MYOM2: variants seen among roughly 807,000 people sequenced by gnomAD.
The protein encoded by MYOM2 is myomesin 2.
Under a neutral mutation model 187.6 loss-of-function variants are expected in MYOM2, and 254 were observed. That is an observed-to-expected ratio of 1.35 (90% confidence interval 1.22 to 1.50). The LOEUF is 1.50. MYOM2 is among the 40% of genes most tolerant of loss of function. The probability of loss-of-function intolerance (pLI) is 0.00; values close to 1 mark genes in which losing one functional copy is unlikely to be tolerated. For synonymous variants in MYOM2, 981 were observed against 753.8 expected (o/e 1.30, Z -4.94); for missense variants, 2,796 against 1,924.0 (o/e 1.45, Z -8.48).
chr8:2,099,477 C>G (rs1796610465), intron 19 of MYOM2, among the ~76,000 whole-genome samples: 1 of 151,872 alleles, frequency 6.6e-6, no homozygotes. Context: ...CGACAGGGTT[C>G]TCATTCGTGG....
Position 2,069,754 on chromosome 8 carries a change from G to A in MYOM2, c.793+257G>A, listed in dbSNP as rs184997041. Among the ~76,000 whole-genome samples the A allele has an allele frequency of 4.4e-3, 668 of 152,272 alleles. 4 individuals carry two copies. The highest frequency in any genetic ancestry group is 8.7e-3 in the South Asian group (42 of 4,818). ...TCCAAGTTTCTCCTGGCCAGTGTTA[G>A]CATGCTGACAATTTGTTCCCATGTA... On this transcript the variant is annotated intron_variant, in intron 8 of 36. Transcript: ENST00000262113.
At position 2,050,712 on chromosome 8, in the gene MYOM2, T is replaced by A. The variant is rs143522808; in HGVS notation, c.-12-43T>A. 6.9e-4 allele frequency: 848 copies of A among 1,222,910 alleles called. 1 individual carries two copies. The highest frequency in any genetic ancestry group is 9.7e-4 in the Non-Finnish European group (810 of 831,024). 75.8% of individuals were successfully genotyped at this position (1,222,910 alleles called of 1,614,324 possible). ...TGCAGAAATGGCAGAGGCCTCATGATGCTTGCGAGGGAGCTCAGTGTTGTG... is the reference window on the plus strand; with the variant it reads ...TGCAGAAATGGCAGAGGCCTCATGAAGCTTGCGAGGGAGCTCAGTGTTGTG... On this transcript the variant is annotated intron_variant, in intron 1 of 36. Coordinates refer to ENST00000262113, the MANE Select transcript of MYOM2 (RefSeq NM_003970.4).
intron 15 of MYOM2, among the ~76,000 whole-genome samples, chr8:2,091,521 T>C (rs760308827): frequency 1.9e-4 from 29 of 152,172 alleles, no homozygotes; most frequent in Non-Finnish European, 2.9e-4. Context: ...GGGAGGCACA[T>C]TGGTGTCAGG....
chr8:2,071,513 TGAG>T (rs1369992519), intron 8 of MYOM2, among the ~76,000 whole-genome samples: 1 of 152,160 alleles, frequency 6.6e-6, no homozygotes, highest in Non-Finnish European at 1.5e-5. Context: ...CCGTTTGTTT[TGAG>T]GAGGAGGCAG....
At chr8:2,084,331 A>G (rs1361568323) in intron 13 of MYOM2, among the ~76,000 whole-genome samples, 1 of 152,216 alleles carries the variant, frequency 6.6e-6, no homozygotes. Flanking sequence ...AACAGGGCTC[A>G]GGAAACGAAA....
chr8:2,135,823 C>T (rs1044490150), intron 32 of MYOM2, among the ~76,000 whole-genome samples: 5 of 152,182 alleles, frequency 3.3e-5, no homozygotes, highest in East Asian at 1.9e-4. Context: ...ATTAATTCAG[C>T]GACTAGATAG....
chr8:2,051,943 G>T (rs149485661), intron 2 of MYOM2, among the ~76,000 whole-genome samples: 1 of 152,200 alleles, frequency 6.6e-6, no homozygotes, highest in African/African-American at 2.4e-5. Flanking sequence ...ACATGTGTAC[G>T]CATGTATTGT....
rs745468662 is a variant in MYOM2, at chr8:2,079,632, C to T, written c.1516+19C>T. On this transcript the variant is annotated intron_variant, in intron 13 of 36. Transcript: ENST00000262113. ...CTTGAAGGTAAGTAGCACCTCATCA[C>T]CCCAGCTGCTCAGCCCCTGGGGATT... is the stretch of plus-strand genomic sequence containing the variant. 2 of 1,612,524 alleles carry T rather than the reference C, an allele frequency of 1.2e-6. No individual in the cohort carries two copies. Among genetic ancestry groups the T allele is most frequent in the South Asian group, 1.1e-5 (1 of 91,028 alleles).
chr8:2,077,946 A>T (rs1009056348), intron 11 of MYOM2, among the ~76,000 whole-genome samples: 4 of 152,174 alleles, frequency 2.6e-5, no homozygotes, highest in African/African-American at 9.7e-5. Flanking sequence ...TGTGGATCAG[A>T]CAGCTTTCAT....
chr8:2,055,039 C>T (rs141649154), intron 3 of MYOM2, among the ~76,000 whole-genome samples: 2 of 44,372 alleles, frequency 4.5e-5, no homozygotes, highest in South Asian at 3.5e-3. Context: ...ACTGGGGAAC[C>T]AAGTACCTGG....
At position 2,106,239 on chromosome 8, in the gene MYOM2, C is replaced by G; in HGVS notation, c.2735-3C>G. Reference sequence around the variant, plus strand: ...CCGCTCACTTCATACTCTTCTTATGCAGGCACCAAGGAAATCAGTGCTGGT... The same window carrying G: ...CCGCTCACTTCATACTCTTCTTATGGAGGCACCAAGGAAATCAGTGCTGGT... On this transcript the variant is annotated splice_region_variant and splice_polypyrimidine_tract_variant and intron_variant, in intron 21 of 36. Coordinates refer to ENST00000262113, the MANE Select transcript of MYOM2 (RefSeq NM_003970.4). The G allele has an allele frequency of 1.2e-6, 2 of 1,613,824 alleles. No homozygotes were observed. Among genetic ancestry groups the G allele is most frequent in the Non-Finnish European group, 8.5e-7 (1 of 1,179,838 alleles).
chr8:2,047,456 C>T (rs1471219075), intron 1 of MYOM2, among the ~76,000 whole-genome samples: 1 of 152,168 alleles, frequency 6.6e-6, no homozygotes, highest in Non-Finnish European at 1.5e-5. Flanking sequence ...GTTGAGGGCA[C>T]ATTGGCACTG....
At chr8:2,095,334 C>T (rs1210966271) in intron 17 of MYOM2, among the ~76,000 whole-genome samples, 7 of 148,658 alleles carry the variant, frequency 4.7e-5, no homozygotes, top group Admixed American at 1.3e-4. Flanking sequence ...CTCTGTTGCT[C>T]AGGCTGGGGT....
At chr8:2,130,995 C>A (rs1006122329) in intron 32 of MYOM2, among the ~76,000 whole-genome samples, 1 of 152,160 alleles carries the variant, frequency 6.6e-6, no homozygotes, top group African/African-American at 2.4e-5. Flanking sequence ...AATGTGTGTC[C>A]TGCCATCCGT....
intron 13 of MYOM2, among the ~76,000 whole-genome samples, chr8:2,084,051 C>A (rs1315747231): frequency 6.6e-6 from 1 of 152,208 alleles, no homozygotes; most frequent in Non-Finnish European, 1.5e-5. Context: ...CTCATCAGCA[C>A]CTCTGAAATA....
chr8:2,062,823 T>C (rs1184204915), intron 6 of MYOM2, among the ~76,000 whole-genome samples: 1 of 152,182 alleles, frequency 6.6e-6, no homozygotes, highest in Non-Finnish European at 1.5e-5. Flanking sequence ...AGCTGTGTTC[T>C]GATAATTGTT....
chr8:2,127,174 G>A (rs1003729809), intron 31 of MYOM2, among the ~76,000 whole-genome samples: 9 of 152,042 alleles, frequency 5.9e-5, no homozygotes, highest in African/African-American at 2.2e-4. Flanking sequence ...TCTGCAGTGT[G>A]TTGACTTCAC....
At position 2,102,866 on chromosome 8, in the gene MYOM2, T is replaced by G. The variant is rs989129086; in HGVS notation, c.2734+85T>G. On this transcript the variant is annotated intron_variant, in intron 21 of 36. Transcript: ENST00000262113. ...TTATGGATGTATGGATGAGGGTGTGTGGATAAATGAGTGGGAGAGTGAACA... is the reference window on the plus strand; with the variant it reads ...TTATGGATGTATGGATGAGGGTGTGGGGATAAATGAGTGGGAGAGTGAACA... 3 of 1,105,228 alleles carry G rather than the reference T, an allele frequency of 2.7e-6. No individual in the cohort carries two copies. The African/African-American group carries it at 4.7e-5, about 17-fold the overall frequency. 68.5% of individuals were successfully genotyped at this position (1,105,228 alleles called of 1,614,324 possible).
intron 1 of MYOM2, among the ~76,000 whole-genome samples, chr8:2,050,131 C>T (rs994720377): frequency 3.3e-5 from 5 of 152,170 alleles, no homozygotes; most frequent in Non-Finnish European, 5.9e-5. Flanking sequence ...CTTGTGGCTG[C>T]GTCTTTCCAG....
Sources: gnomAD v4.1 joint callset for allele counts (sites outside exome capture counted in the v4.1 genomes callset) on GRCh38, gnomAD v4.1.1 for gene constraint, MANE v1.5 for transcripts, NCBI Gene and HGNC (gene_info 2026-07-23, HGNC 2026-07-21) for gene names.